Variants in SORCS2 observed in about 807,000 individuals in gnomAD.
The protein encoded by SORCS2 is VPS10 domain-containing receptor SorCS2.
A neutral mutation model predicts 141.6 loss-of-function variants in SORCS2; 100 were observed. The observed-to-expected ratio is 0.71, with a 90% CI of 0.60 to 0.83. The LOEUF is 0.83. Among genes scored for constraint, SORCS2 ranks in the 40% least tolerant of loss-of-function variants. The probability of loss-of-function intolerance (pLI) is 0.00; values close to 1 mark genes in which losing one functional copy is unlikely to be tolerated. For synonymous variants in SORCS2, 789 were observed against 676.9 expected, an observed-to-expected ratio of 1.17 and a Z score of -2.57; for missense variants, 1,646 against 1,560.2, an observed-to-expected ratio of 1.05 and a Z score of -0.93.
chr4:7,636,701 C>T (rs1361662311), intron 3 of SORCS2, among the ~76,000 whole-genome samples: 1 of 152,100 alleles, frequency 6.6e-6, no homozygotes, highest in Non-Finnish European at 1.5e-5. Flanking sequence ...AAAACCTAAA[C>T]CAGGCCACCC....
At chr4:7,626,077 G>A (rs752433936) in intron 3 of SORCS2, among the ~76,000 whole-genome samples, 1 of 152,072 alleles carries the variant, frequency 6.6e-6, no homozygotes, top group Non-Finnish European at 1.5e-5. Context: ...AGTCCAGGAG[G>A]CAGAGGCTGC....
chr4:7,738,062 C>T (rs532054666), intron 26 of SORCS2, among the ~76,000 whole-genome samples: 28 of 152,362 alleles, frequency 1.8e-4, no homozygotes, highest in African/African-American at 5.3e-4. Context: ...TGAAGTCATA[C>T]GCTGTCACTT....
chr4:7,593,671 G>A (rs908183048), intron 3 of SORCS2, among the ~76,000 whole-genome samples: 6 of 152,126 alleles, frequency 3.9e-5, no homozygotes, highest in Admixed American at 3.9e-4. Context: ...GGGTGGGGGC[G>A]GCCCCAGGCG....
At chr4:7,329,922 C>T (rs543777658) in intron 1 of SORCS2, among the ~76,000 whole-genome samples, 1 of 152,056 alleles carries the variant, frequency 6.6e-6, no homozygotes, top group Non-Finnish European at 1.5e-5. Flanking sequence ...CATCTTGGGT[C>T]GAGGAGCACC....
intron 3 of SORCS2, among the ~76,000 whole-genome samples, chr4:7,583,353 C>G (rs1433720500): frequency 6.6e-6 from 1 of 152,150 alleles, no homozygotes. Flanking sequence ...TCCAACCCCC[C>G]TACACTCCTG....
At chr4:7,297,292 C>T (rs1045906898) in intron 1 of SORCS2, among the ~76,000 whole-genome samples, 2 of 152,170 alleles carry the variant, frequency 1.3e-5, no homozygotes, top group East Asian at 3.9e-4. Flanking sequence ...GAATGAGCCC[C>T]CAGAGTCGGT....
At chr4:7,406,853 G>A (rs1724999823) in intron 2 of SORCS2, among the ~76,000 whole-genome samples, 1 of 151,752 alleles carries the variant, frequency 6.6e-6, no homozygotes, top group African/African-American at 2.4e-5. Context: ...TTTCCTTGCT[G>A]TATCCCATAG....
In SORCS2 at chr4:7,500,023, C is replaced by A. The variant is rs552809463; in HGVS notation, c.549-31507C>A. Among the ~76,000 whole-genome samples the A allele has an allele frequency of 4.6e-5, 7 of 150,968 alleles. No homozygotes were observed. In the East Asian group the frequency reaches 1.4e-3, roughly 29 times the overall value. Reference sequence around the variant, plus strand: ...TGGGCATTCGTGTGTCTGCTGTGCACCCAGCACCGTGGGGACCCAGCTGCG... The same window carrying A: ...TGGGCATTCGTGTGTCTGCTGTGCAACCAGCACCGTGGGGACCCAGCTGCG... On this transcript the variant is annotated intron_variant, in intron 2 of 26. Transcript: ENST00000507866.
intron 3 of SORCS2, among the ~76,000 whole-genome samples, chr4:7,636,426 G>A (rs937176426): frequency 6.6e-6 from 1 of 152,238 alleles, no homozygotes; most frequent in Admixed American, 6.5e-5. Context: ...AACACTGTGT[G>A]CTTGTAGGAT....
chr4:7,503,812 A>G (rs954354556), intron 2 of SORCS2, among the ~76,000 whole-genome samples: 4 of 152,178 alleles, frequency 2.6e-5, no homozygotes, highest in Non-Finnish European at 4.4e-5. Context: ...CTTGCTGGCT[A>G]TCACATTTCA....
intron 1 of SORCS2, among the ~76,000 whole-genome samples, chr4:7,365,504 G>A (rs1278425802): frequency 1.3e-5 from 2 of 152,128 alleles, no homozygotes; most frequent in Non-Finnish European, 2.9e-5. Flanking sequence ...TGTATGTGGG[G>A]GTTGTTGCTT....
chr4:7,621,459 G>A (rs1719176444), intron 3 of SORCS2, among the ~76,000 whole-genome samples: 1 of 146,736 alleles, frequency 6.8e-6, no homozygotes, highest in Non-Finnish European at 1.5e-5. Context: ...GTCTGTGTGA[G>A]TGTTTATGTG....
chr4:7,210,781 G>A (rs1728017931), intron 1 of SORCS2, among the ~76,000 whole-genome samples: 1 of 152,256 alleles, frequency 6.6e-6, no homozygotes, highest in African/African-American at 2.4e-5. Context: ...TGGGCACCGA[G>A]CTTGCACCAA....
At chr4:7,250,243 A>AAAAGAAAGAAAGAAAG (rs34312209) in intron 1 of SORCS2, among the ~76,000 whole-genome samples, 5,448 of 151,112 alleles carry the variant, frequency 0.036, 149 homozygotes, top group Non-Finnish European at 0.053. Context: ...GCTCTGTCTA[A>AAAAGAAAGAAAGAAAG]AAAGAAAGAA....
At chr4:7,522,308 A>G (rs774953267) in intron 2 of SORCS2, among the ~76,000 whole-genome samples, 3 of 152,230 alleles carry the variant, frequency 2.0e-5, no homozygotes, top group Non-Finnish European at 2.9e-5. Context: ...GCTTCATTAA[A>G]TCATTTTTAA....
At chr4:7,445,281 C>G (rs1019761656) in intron 2 of SORCS2, among the ~76,000 whole-genome samples, 1 of 152,146 alleles carries the variant, frequency 6.6e-6, no homozygotes, top group African/African-American at 2.4e-5. Flanking sequence ...ACAGAAGTCA[C>G]AGGCTCTGGC....
At chr4:7,684,843 T>C (rs1321636237) in intron 10 of SORCS2, among the ~76,000 whole-genome samples, 2 of 152,122 alleles carry the variant, frequency 1.3e-5, no homozygotes, top group Non-Finnish European at 2.9e-5. Context: ...GCCCCAGTGT[T>C]GGCCCATGGA....
chr4:7,409,434 T>G (rs911265411), intron 2 of SORCS2, among the ~76,000 whole-genome samples: 3 of 152,204 alleles, frequency 2.0e-5, no homozygotes, highest in Non-Finnish European at 2.9e-5. Flanking sequence ...ACACTCTGAT[T>G]TGGAGTCCCC....
intron 3 of SORCS2, among the ~76,000 whole-genome samples, chr4:7,585,627 T>G (rs781291496): frequency 1.3e-5 from 2 of 152,238 alleles, no homozygotes; most frequent in African/African-American, 2.4e-5. Context: ...TCATCTTCTA[T>G]CTTTTGTGTT....
Sources: gnomAD v4.1 joint callset for allele counts (sites outside exome capture counted in the v4.1 genomes callset) on GRCh38, gnomAD v4.1.1 for gene constraint, MANE v1.5 for transcripts, NCBI Gene and HGNC (gene_info 2026-07-23, HGNC 2026-07-21) for gene names.